Variants in UGT1A8 observed in about 807,000 individuals in gnomAD.
UGT1A8 encodes the protein UDP glucuronosyltransferase family 1 member A8, also known as UDP-glucuronosyltransferase 1A8.
A neutral mutation model predicts 45.3 loss-of-function variants in UGT1A8; 39 were observed. The observed-to-expected ratio is 0.86, with a 90% CI of 0.67 to 1.12. The LOEUF (loss-of-function observed/expected upper bound fraction) is 1.12. UGT1A8 is among the 50% of genes most tolerant of loss of function. UGT1A8 has a pLI of 0.00. For synonymous variants in UGT1A8, 275 were observed against 249.2 expected (o/e 1.10, Z -0.97); for missense variants, 719 against 664.9 (o/e 1.08, Z -0.90).
intron 1 of UGT1A8, among the ~76,000 whole-genome samples, chr2:233,702,784 C>T (rs1036142501): frequency 6.6e-6 from 1 of 152,164 alleles, no homozygotes; most frequent in Admixed American, 6.5e-5. Flanking sequence ...CAGGTGTAAA[C>T]GAACCTTGTA....
At chr2:233,717,606 A>G (rs1201651374) in intron 1 of UGT1A8, among the ~76,000 whole-genome samples, 2 of 152,238 alleles carry the variant, frequency 1.3e-5, no homozygotes, top group Admixed American at 6.5e-5. Context: ...GAAAGTGGGC[A>G]CAGCCCAGAG....
At chr2:233,764,091 A>T (rs1189642052) in intron 1 of UGT1A8, among the ~76,000 whole-genome samples, 1 of 152,202 alleles carries the variant, frequency 6.6e-6, no homozygotes, top group East Asian at 1.9e-4. Flanking sequence ...AAAAGCCTAA[A>T]CTAAAAATAC....
At chr2:233,740,151 C>T (rs534667918) in intron 1 of UGT1A8, among the ~76,000 whole-genome samples, 23 of 151,980 alleles carry the variant, frequency 1.5e-4, no homozygotes, top group South Asian at 1.2e-3. Context: ...TTCCTGAGGC[C>T]TCCCCAGTCA....
chr2:233,649,024 A>C lies in UGT1A8; in HGVS notation c.855+30462A>C, dbSNP rs553715691. On this transcript the variant is annotated intron_variant, in intron 1 of 4. Coordinates refer to ENST00000373450, the MANE Select transcript of UGT1A8 (RefSeq NM_019076.5). ...CTGCAATCAGGGAAAGCCAGTGCCT[A>C]TGGTAAGTCATTGCTCCTTTAGCAC... 81 of 1,257,154 alleles carry C rather than the reference A, an allele frequency of 6.4e-5. No homozygotes were observed. The African/African-American group carries it at 1.0e-3, about 16-fold the overall frequency. The allele number at this position is 1,257,154 out of a possible 1,614,324, so 77.9% of individuals were successfully genotyped here. A position where few individuals can be genotyped will look rare whatever the true frequency, so the allele number is the denominator to read the frequency against.
At position 233,769,547 on chromosome 2, in the gene UGT1A8, G is replaced by A; in HGVS notation, c.1295+1108G>A. 1 of 1,612,856 alleles carries A rather than the reference G, an allele frequency of 6.2e-7. No individual in the cohort carries two copies. Among genetic ancestry groups the A allele is most frequent in the Non-Finnish European group, 8.5e-7 (1 of 1,179,826 alleles). On this transcript the variant is annotated intron_variant, in intron 4 of 4. Coordinates refer to ENST00000373450, the MANE Select transcript of UGT1A8 (RefSeq NM_019076.5). This position sits in a 1 kb window ranked among gnomAD's most constrained non-coding sequence, Gnocchi z 4.4. ...CTCCTTTAGAAAGAAGCAGCAGTCA[G>A]GAAGACAGATGTGAAGAGCTGGAGC...
intron 1 of UGT1A8, among the ~76,000 whole-genome samples, chr2:233,677,237 C>G (rs2074384774): frequency 6.6e-6 from 1 of 152,180 alleles, no homozygotes; most frequent in Admixed American, 6.5e-5. Flanking sequence ...CAGTCTTTCA[C>G]ATCCTTTGTC....
intron 1 of UGT1A8, among the ~76,000 whole-genome samples, chr2:233,656,063 T>C (rs2073846760): frequency 6.6e-6 from 1 of 151,826 alleles, no homozygotes; most frequent in South Asian, 2.1e-4. Context: ...GGAGAAGGGA[T>C]GGGGTAGGAG....
Position 233,729,304 on chromosome 2 carries a change from G to A in UGT1A8, c.856-37730G>A, listed in dbSNP as rs779287318. ...CCATGCCAGAGGCCACCAGGCAGTG[G>A]TCCTCACCCCAGAGGTGAATATGCA... is the stretch of plus-strand genomic sequence containing the variant. On this transcript the variant is annotated intron_variant, in intron 1 of 4. Transcript: ENST00000373450. 10 of 1,614,264 alleles carry A rather than the reference G, an allele frequency of 6.2e-6. No homozygotes were observed. In the South Asian group the frequency reaches 1.1e-4, roughly 18 times the overall value.
At chr2:233,655,394 A>G (rs1469072648) in intron 1 of UGT1A8, among the ~76,000 whole-genome samples, 1 of 152,156 alleles carries the variant, frequency 6.6e-6, no homozygotes, top group East Asian at 1.9e-4. Flanking sequence ...AGGAGCAGGG[A>G]CAGCAGGTCA....
At chr2:233,699,044 G>A (rs1467875963) in intron 1 of UGT1A8, among the ~76,000 whole-genome samples, 1 of 152,200 alleles carries the variant, frequency 6.6e-6, no homozygotes, top group Non-Finnish European at 1.5e-5. Context: ...CAGATGTCCT[G>A]AAACAACTTA....
At chr2:233,698,700 T>A (rs2075456458) in intron 1 of UGT1A8, among the ~76,000 whole-genome samples, 1 of 152,188 alleles carries the variant, frequency 6.6e-6, no homozygotes, top group Non-Finnish European at 1.5e-5. Context: ...CTAAAAAAAA[T>A]GTGCAAAGCC....
At chr2:233,705,373 G>A (rs1270805746) in intron 1 of UGT1A8, among the ~76,000 whole-genome samples, 3 of 152,052 alleles carry the variant, frequency 2.0e-5, no homozygotes, top group African/African-American at 7.2e-5. Flanking sequence ...CTTTTATTTT[G>A]TTTGTGCCTT....
intron 1 of UGT1A8, among the ~76,000 whole-genome samples, chr2:233,721,343 A>G (rs2076939379): frequency 6.6e-6 from 1 of 152,156 alleles, no homozygotes; most frequent in South Asian, 2.1e-4. Flanking sequence ...CTATGAATAT[A>G]TTCTTTAGAC....
chr2:233,718,197 CT>C (rs1159094218), intron 1 of UGT1A8, among the ~76,000 whole-genome samples: 1 of 152,036 alleles, frequency 6.6e-6, no homozygotes, highest in Non-Finnish European at 1.5e-5. Flanking sequence ...CTCCCCGGAG[CT>C]TTTTTTTATA....
intron 1 of UGT1A8, among the ~76,000 whole-genome samples, chr2:233,725,446 A>G (rs1478370195): frequency 6.6e-6 from 1 of 152,006 alleles, no homozygotes; most frequent in Non-Finnish European, 1.5e-5. Flanking sequence ...AGCCACATAC[A>G]TAATTTAAAC....
rs2073359336 is a variant in UGT1A8, at chr2:233,638,363, A to G, written c.855+19801A>G. Reference sequence around the variant, plus strand: ...GTAATTAAAATTTTGGTTTTTGCATATGTATCTTGTATCCAGCCACATCAC... The same window carrying G: ...GTAATTAAAATTTTGGTTTTTGCATGTGTATCTTGTATCCAGCCACATCAC... On this transcript the variant is annotated intron_variant, in intron 1 of 4. Transcript: ENST00000373450. 2.0e-5 allele frequency among the ~76,000 whole-genome samples: 3 copies of G among 152,200 alleles called. No homozygotes were observed. The South Asian group carries it at 6.2e-4, about 31-fold the overall frequency.
chr2:233,748,523 T>TA (rs988670455), intron 1 of UGT1A8, among the ~76,000 whole-genome samples: 2 of 151,784 alleles, frequency 1.3e-5, no homozygotes, highest in Admixed American at 6.5e-5. Flanking sequence ...TTGCGAATGA[T>TA]AGAGAGGTGA....
At chr2:233,689,696 T>G (rs2074954424) in intron 1 of UGT1A8, among the ~76,000 whole-genome samples, 1 of 152,202 alleles carries the variant, frequency 6.6e-6, no homozygotes, top group Non-Finnish European at 1.5e-5. Flanking sequence ...GTTCAGTCGT[T>G]ATTTCCCCTT....
intron 1 of UGT1A8, among the ~76,000 whole-genome samples, chr2:233,702,442 T>C (rs2125589927): frequency 6.6e-6 from 1 of 152,304 alleles, no homozygotes; most frequent in Non-Finnish European, 1.5e-5. Context: ...CTAATAAGGA[T>C]AACATTTATT....
Sources: gnomAD v4.1 joint callset for allele counts (sites outside exome capture counted in the v4.1 genomes callset) on GRCh38, gnomAD v4.1.1 for gene constraint, Gnocchi (gnomAD v3.1) non-coding constraint, MANE v1.5 for transcripts, NCBI Gene and HGNC (gene_info 2026-07-23, HGNC 2026-07-21) for gene names.